ASCC3: variants seen among roughly 807,000 people sequenced by gnomAD.
ASCC3 encodes the protein ASC-1 complex subunit P200.
ASCC3 carries 158 observed loss-of-function variants against 256.3 expected under a neutral mutation model. The observed-to-expected ratio is 0.62, with a 90% CI of 0.54 to 0.70. ASCC3 has a LOEUF of 0.70. ASCC3 is among the 30% of genes least tolerant of loss of function. ASCC3 has a pLI of 0.00. For missense variants in ASCC3, 2,259 were observed against 2,626.0 expected (o/e 0.86, Z 3.05); for synonymous variants, 948 against 883.4 (o/e 1.07, Z -1.30).
chr6:100,811,446 C>G (rs886327731), intron 4 of ASCC3, among the ~76,000 whole-genome samples: 2 of 152,046 alleles, frequency 1.3e-5, no homozygotes, highest in Non-Finnish European at 2.9e-5. Flanking sequence ...ATTCTAGTTA[C>G]ACTTAATATC....
intron 36 of ASCC3, among the ~76,000 whole-genome samples, chr6:100,582,281 C>T (rs1215098028): frequency 6.6e-6 from 1 of 152,076 alleles, no homozygotes; most frequent in East Asian, 1.9e-4. Flanking sequence ...GTTTGTAGTT[C>T]TCCTTGAAAA....
chr6:100,671,768 T>C (rs80134749), intron 14 of ASCC3, among the ~76,000 whole-genome samples: 2,338 of 152,132 alleles, frequency 0.015, 23 homozygotes, highest in East Asian at 0.045. Flanking sequence ...AAACACAATG[T>C]CAATGCTTTT....
rs141052416 is a variant in ASCC3 at position 100,692,210 on chromosome 6, C to A, written c.2152-12458G>T. On this transcript the variant is annotated intron_variant, in intron 13 of 41. Transcript: ENST00000369162. The stretch of plus-strand genomic sequence containing the variant: ...AACTGCTATCATATCTCTGGTATGA[C>A]TTTCTCTTTCTTGAACTAAACATCA... Among the ~76,000 whole-genome samples the A allele has an allele frequency of 9.8e-3, 1,495 of 152,104 alleles. 11 individuals are homozygous for A. The highest frequency in any genetic ancestry group is 0.027 in the Middle Eastern group (8 of 294).
At chr6:100,686,927 T>C (rs1316413944) in intron 13 of ASCC3, among the ~76,000 whole-genome samples, 2 of 152,102 alleles carry the variant, frequency 1.3e-5, no homozygotes, top group Non-Finnish European at 2.9e-5. Context: ...TTGTGAATAT[T>C]GTGTCCTAGT....
intron 36 of ASCC3, among the ~76,000 whole-genome samples, chr6:100,556,118 A>G (rs1385728773): frequency 1.3e-5 from 2 of 152,230 alleles, no homozygotes; most frequent in Non-Finnish European, 2.9e-5. Context: ...GTATGAGAAT[A>G]TATCAAACTT....
intron 18 of ASCC3, 32 bp downstream of exon 18, chr6:100,652,693 T>TA: frequency 6.3e-7 from 1 of 1,598,768 alleles, no homozygotes; most frequent in South Asian, 1.1e-5. Context: ...TATTTGCATC[T>TA]AAAATCAAAC....
chr6:100,607,148 T>C, intron 30 of ASCC3, 60 bp from the exon 31 acceptor site: 1 of 1,542,198 alleles, frequency 6.5e-7, no homozygotes, highest in Non-Finnish European at 8.9e-7. Context: ...TTCATTAATT[T>C]TTCATGTTTC....
At chr6:100,596,559 G>C (rs934787814) in intron 34 of ASCC3, among the ~76,000 whole-genome samples, 2 of 151,836 alleles carry the variant, frequency 1.3e-5, no homozygotes, top group African/African-American at 4.8e-5. Context: ...ACTCTTCTTT[G>C]TCCTTTGTAT....
At chr6:100,683,170 T>A (rs1381196628) in intron 13 of ASCC3, among the ~76,000 whole-genome samples, 2 of 152,190 alleles carry the variant, frequency 1.3e-5, no homozygotes, top group East Asian at 1.9e-4. Flanking sequence ...TTTTAAGGTA[T>A]TTTATATAAC....
intron 11 of ASCC3, among the ~76,000 whole-genome samples, chr6:100,719,920 T>C (rs759429030): frequency 2.3e-4 from 35 of 151,972 alleles, no homozygotes; most frequent in Admixed American, 2.0e-3. Flanking sequence ...CTTTTATCTT[T>C]TCCAAATTTC....
intron 10 of ASCC3, among the ~76,000 whole-genome samples, chr6:100,731,052 G>A (rs1582774057): frequency 6.6e-6 from 1 of 151,246 alleles, no homozygotes; most frequent in Non-Finnish European, 1.5e-5. Flanking sequence ...AATGTATCTC[G>A]GTATTTTCAT....
intron 8 of ASCC3, among the ~76,000 whole-genome samples, chr6:100,784,866 T>C (rs1179703090): frequency 1.3e-5 from 2 of 152,068 alleles, no homozygotes; most frequent in Admixed American, 1.3e-4. Context: ...ACTTCATGTA[T>C]TAAAACAACA....
chr6:100,646,898 G>A (rs946297619), intron 21 of ASCC3, 129 bp from the exon 22 acceptor site: 2 of 968,638 alleles, frequency 2.1e-6, no homozygotes, highest in Non-Finnish European at 3.2e-6. Context: ...TAGAATAGCT[G>A]ACATTCTTGA....
At chr6:100,858,124 G>T in intron 3 of ASCC3, 2 of 388,828 alleles carry the variant, frequency 5.1e-6, no homozygotes, top group Non-Finnish European at 6.9e-6. Context: ...TTTTGTAAAC[G>T]TAAAATAAAT....
intron 9 of ASCC3, 103 bp downstream of exon 9, chr6:100,767,042 G>A: frequency 8.5e-7 from 1 of 1,183,188 alleles, no homozygotes; most frequent in Non-Finnish European, 1.2e-6. Context: ...CTGACTTCAA[G>A]TACAATATCT....
chr6:100,595,588 A>C (rs1772251510), intron 34 of ASCC3, among the ~76,000 whole-genome samples: 1 of 152,178 alleles, frequency 6.6e-6, no homozygotes, highest in Non-Finnish European at 1.5e-5. Flanking sequence ...CAGAGTTTCC[A>C]TAAAGAACCC....
chr6:100,765,893 T>C (rs1781634404), intron 10 of ASCC3, among the ~76,000 whole-genome samples: 1 of 152,222 alleles, frequency 6.6e-6, no homozygotes, highest in Non-Finnish European at 1.5e-5. Flanking sequence ...TCCATCAAAC[T>C]ATGAATTTTT....
At position 100,551,411 on chromosome 6, in the gene ASCC3, T is replaced by C. The variant is rs140804467; in HGVS notation, c.5551-11024A>G. Among the ~76,000 whole-genome samples, 8 of 151,910 alleles carry C rather than the reference T, an allele frequency of 5.3e-5. 1 individual carries two copies. In the East Asian group the frequency reaches 7.7e-4, roughly 15 times the overall value. ...GTAGGTATCTGTGAAGAAGTTATGA[T>C]TGAATTGAAAGACAATCAAAATGAT... On this transcript the variant is annotated intron_variant, in intron 36 of 41. Transcript: ENST00000369162.
chr6:100,723,082 T>C (rs115071884), intron 11 of ASCC3, among the ~76,000 whole-genome samples: 2,276 of 151,874 alleles, frequency 0.015, 51 homozygotes, highest in African/African-American at 0.051. Flanking sequence ...TCAAATTCCA[T>C]TTCGTTTTTA....
Sources: gnomAD v4.1 joint callset for allele counts (sites outside exome capture counted in the v4.1 genomes callset) on GRCh38, gnomAD v4.1.1 for gene constraint, MANE v1.5 for transcripts, NCBI Gene and HGNC (gene_info 2026-07-23, HGNC 2026-07-21) for gene names.